Variants in TOX observed in about 807,000 individuals in gnomAD.
TOX encodes thymocyte selection-associated high mobility group box protein TOX.
A neutral mutation model predicts 53.7 loss-of-function variants in TOX; 11 were observed. That is an observed-to-expected ratio of 0.20 (90% CI 0.13 to 0.34). The LOEUF (loss-of-function observed/expected upper bound fraction) is 0.34. Ranked by LOEUF, TOX falls within the 10% of genes least tolerant of loss-of-function variation. The pLI, the probability that TOX is intolerant of heterozygous loss-of-function variation, is 1.00. For synonymous variants in TOX, 225 were observed against 245.3 expected (o/e 0.92, Z 0.77); for missense variants, 570 against 664.6 (o/e 0.86, Z 1.56).
intron 1 of TOX, among the ~76,000 whole-genome samples, chr8:59,032,123 C>T (rs77189567): frequency 0.014 from 2,171 of 152,192 alleles, 22 homozygotes; most frequent in Non-Finnish European, 0.022. Flanking sequence ...GCAGGAATAT[C>T]AGAAATGGAG....
chr8:59,109,044 A>T (rs1055539942), intron 1 of TOX, among the ~76,000 whole-genome samples: 2 of 152,164 alleles, frequency 1.3e-5, no homozygotes, highest in South Asian at 2.1e-4. Context: ...TCTCACCACC[A>T]TATCAGGTCT....
intron 7 of TOX, among the ~76,000 whole-genome samples, chr8:58,813,739 A>G (rs985408919): frequency 6.6e-6 from 1 of 152,248 alleles, no homozygotes; most frequent in South Asian, 2.1e-4. Context: ...CTTTAACAGT[A>G]TCTTTGGCTT....
intron 1 of TOX, among the ~76,000 whole-genome samples, chr8:59,099,618 C>T (rs150045321): frequency 6.5e-4 from 99 of 152,288 alleles, no homozygotes; most frequent in Middle Eastern, 3.4e-3. Flanking sequence ...TGGCTCAAAT[C>T]TCTCTAATAT....
chr8:58,973,999 T>C (rs569356075), intron 1 of TOX, among the ~76,000 whole-genome samples: 109 of 152,244 alleles, frequency 7.2e-4, no homozygotes, highest in Middle Eastern at 3.4e-3. Context: ...GGTTTCACCA[T>C]GTTGACCAGG....
intron 2 of TOX, among the ~76,000 whole-genome samples, chr8:58,952,768 T>C (rs1177965868): frequency 1.3e-5 from 2 of 152,216 alleles, no homozygotes; most frequent in Non-Finnish European, 2.9e-5. Context: ...ACATACTATT[T>C]GACATTTATT....
At chr8:58,972,771 TTAA>T (rs1273818306) in intron 1 of TOX, among the ~76,000 whole-genome samples, 1 of 152,226 alleles carries the variant, frequency 6.6e-6, no homozygotes, top group South Asian at 2.1e-4. Flanking sequence ...AATTACATTA[TTAA>T]TAACTTTTGC....
chr8:58,855,416 A>T (rs16924088), intron 3 of TOX, among the ~76,000 whole-genome samples: 10,344 of 152,106 alleles, frequency 0.068, 1,162 homozygotes, highest in African/African-American at 0.23. Flanking sequence ...TCTGTTGATG[A>T]CACCTTCATC....
rs116013927 is a variant in TOX, at chr8:59,101,078, A to C, written c.102+17808T>G. ...TTCTACTCTCGGTCATCTCATCTAG[A>C]CTAAAGGAAAGGAAAGGAAAAGCGC... On this transcript the variant is annotated intron_variant, in intron 1 of 8. Transcript: ENST00000361421. Among the ~76,000 whole-genome samples, 427 of 152,304 alleles carry C rather than the reference A, an allele frequency of 2.8e-3. 2 individuals carry two copies. Among genetic ancestry groups the C allele is most frequent in the African/African-American group, 9.1e-3 (380 of 41,562 alleles).
intron 1 of TOX, among the ~76,000 whole-genome samples, chr8:59,045,396 T>C (rs901274891): frequency 6.6e-6 from 1 of 152,252 alleles, no homozygotes; most frequent in Non-Finnish European, 1.5e-5. Context: ...CAAGATTTTA[T>C]TTTTTAAATA....
intron 1 of TOX, among the ~76,000 whole-genome samples, chr8:59,087,743 C>T (rs993087920): frequency 1.3e-5 from 2 of 152,144 alleles, no homozygotes; most frequent in Non-Finnish European, 2.9e-5. Context: ...AAACCCACCC[C>T]CCTTTCCTCT....
intron 1 of TOX, among the ~76,000 whole-genome samples, chr8:59,073,082 GCCCAATCTCCACCC>G (rs1804227572): frequency 6.6e-6 from 1 of 152,082 alleles, no homozygotes; most frequent in Non-Finnish European, 1.5e-5. Flanking sequence ...GAAAGGTAAA[GCCCAATCTCCACCC>G]CCAACACAGG....
At chr8:58,832,130 A>AC (rs1375150235) in intron 5 of TOX, among the ~76,000 whole-genome samples, 3 of 147,120 alleles carry the variant, frequency 2.0e-5, no homozygotes, top group South Asian at 2.1e-4. Flanking sequence ...TAATATATGT[A>AC]ATATATATAA....
intron 3 of TOX, among the ~76,000 whole-genome samples, chr8:58,884,026 C>A (rs1200522833): frequency 1.3e-5 from 2 of 152,030 alleles, no homozygotes; most frequent in Non-Finnish European, 2.9e-5. Context: ...AAGAAAAAAG[C>A]CCTAACATGG....
intron 1 of TOX, among the ~76,000 whole-genome samples, chr8:59,002,649 C>A (rs1219843271): frequency 6.6e-6 from 1 of 151,318 alleles, no homozygotes; most frequent in Non-Finnish European, 1.5e-5. Context: ...ATAAAATGAA[C>A]AACATTGTAA....
At chr8:59,062,808 CAGAG>C (rs1191513530) in intron 1 of TOX, among the ~76,000 whole-genome samples, 1 of 151,654 alleles carries the variant, frequency 6.6e-6, no homozygotes, top group African/African-American at 2.4e-5. Context: ...CTGTGTGTGA[CAGAG>C]AGAAAGAGAG....
chr8:58,951,556 A>T (rs2129177617), intron 2 of TOX, among the ~76,000 whole-genome samples: 1 of 152,200 alleles, frequency 6.6e-6, no homozygotes, highest in East Asian at 1.9e-4. Flanking sequence ...ACCCGGTCTC[A>T]CCTGGCATCC....
At chr8:59,104,899 C>G (rs1251382531) in intron 1 of TOX, among the ~76,000 whole-genome samples, 2 of 152,106 alleles carry the variant, frequency 1.3e-5, no homozygotes, top group Non-Finnish European at 2.9e-5. Flanking sequence ...CATATCACAT[C>G]AATTATACTG....
chr8:59,044,919 T>C (rs1803657750), intron 1 of TOX, among the ~76,000 whole-genome samples: 1 of 152,250 alleles, frequency 6.6e-6, no homozygotes, highest in Non-Finnish European at 1.5e-5. Context: ...TTTTACTGCT[T>C]TCAAAAATTC....
intron 1 of TOX, among the ~76,000 whole-genome samples, chr8:59,002,443 T>A (rs1813708144): frequency 6.6e-6 from 1 of 150,926 alleles, no homozygotes; most frequent in South Asian, 2.1e-4. Flanking sequence ...ATACAAAAAA[T>A]TAGCGGAGCG....
Sources: allele counts gnomAD v4.1 joint callset (sites outside exome capture counted in the v4.1 genomes callset), GRCh38; gene constraint gnomAD v4.1.1; transcripts MANE v1.5; gene names NCBI Gene and HGNC (gene_info 2026-07-23, HGNC 2026-07-21).